ADGRE3: variants seen among roughly 807,000 people sequenced by gnomAD.
ADGRE3 encodes adhesion G protein-coupled receptor E3.
In ADGRE3, 88 loss-of-function variants were observed where a neutral mutation model predicts 80.1. That is an observed-to-expected ratio of 1.10 (90% confidence interval 0.93 to 1.31). The LOEUF (loss-of-function observed/expected upper bound fraction) is 1.31, where lower values mean the gene tolerates loss of function less well. Among genes scored for constraint, ADGRE3 ranks in the 40% most tolerant of loss-of-function variants. ADGRE3 has a pLI of 0.00. For missense variants in ADGRE3, 715 were observed against 776.5 expected, an observed-to-expected ratio of 0.92 and a Z score of 0.94; for synonymous variants, 281 against 294.8, an observed-to-expected ratio of 0.95 and a Z score of 0.48.
At chr19:14,669,783 C>G (rs1012178992) in intron 1 of ADGRE3, among the ~76,000 whole-genome samples, 3 of 152,128 alleles carry the variant, frequency 2.0e-5, no homozygotes. Flanking sequence ...AGCCACTCTG[C>G]CCAGCCCAAT....
chr19:14,658,619 G>A lies in ADGRE3; in HGVS notation c.356-69C>T, dbSNP rs1016312702. 118 of 1,253,402 alleles carry A rather than the reference G, an allele frequency of 9.4e-5. No homozygotes were observed. In the Admixed American group the frequency reaches 2.4e-3, roughly 25 times the overall value. 77.6% of individuals were successfully genotyped at this position (1,253,402 alleles called of 1,614,324 possible). On this transcript the variant is annotated intron_variant, in intron 4 of 15. Transcript: ENST00000253673. Reference sequence around the variant, plus strand: ...GACCAGGCAGAGGGGTGGGCAGGTGGGGTAAGTAATGGGGTGAGCAACTTT... The same window carrying A: ...GACCAGGCAGAGGGGTGGGCAGGTGAGGTAAGTAATGGGGTGAGCAACTTT...
At position 14,665,089 on chromosome 19, in the gene ADGRE3, A is replaced by C. The variant is rs1275763253; in HGVS notation, c.77-1549T>G. On this transcript the variant is annotated intron_variant, in intron 2 of 15. Transcript: ENST00000253673. Reference sequence around the variant, plus strand: ...TTTTTTTTTTTTTTTTTTGAGACAGAGTCTCGCTCTGTTGCCCAGGCCGGA... The same window carrying C: ...TTTTTTTTTTTTTTTTTTGAGACAGCGTCTCGCTCTGTTGCCCAGGCCGGA... 5.0e-5 allele frequency among the ~76,000 whole-genome samples: 6 copies of C among 120,472 alleles called. No homozygotes were observed. The East Asian group carries it at 1.5e-3, about 30-fold the overall frequency. 79.0% of individuals were successfully genotyped at this position (120,472 alleles called of 152,430 possible).
At chr19:14,610,738 C>A in the ADGRE3 span, 2 of 153,394 alleles carry the variant, frequency 1.3e-5, no homozygotes, top group Admixed American at 1.3e-4. Flanking sequence ...CCAGGCCAGT[C>A]TCAAACTCCT....
chr19:14,609,099 G>A, the ADGRE3 span, among the ~76,000 whole-genome samples: 1 of 151,884 alleles, frequency 6.6e-6, no homozygotes, highest in Non-Finnish European at 1.5e-5. Context: ...CGCACCTGGC[G>A]GAACATTGGC....
intron 5 of ADGRE3, among the ~76,000 whole-genome samples, chr19:14,657,745 A>ATTTTT (rs1555762014): frequency 4.8e-5 from 6 of 126,120 alleles, no homozygotes; most frequent in African/African-American, 1.7e-4. Flanking sequence ...ATATATATAT[A>ATTTTT]TTTTTTTGTT....
At chr19:14,620,525 AATATATATATTTT>A (rs1247578473) in intron 15 of ADGRE3, among the ~76,000 whole-genome samples, 9,286 of 29,436 alleles carry the variant, frequency 0.32, 1,663 homozygotes, top group Non-Finnish European at 0.33. Flanking sequence ...ACTATATATG[AATATATATATTTT>A]ATATATATAT....
the ADGRE3 span, among the ~76,000 whole-genome samples, chr19:14,613,218 G>T: frequency 1.3e-5 from 2 of 150,320 alleles, no homozygotes; most frequent in Non-Finnish European, 1.5e-5. Flanking sequence ...GAGCCACCAT[G>T]CCTGGCCTTA....
chr19:14,640,493 G>A (rs957736680), intron 10 of ADGRE3, among the ~76,000 whole-genome samples: 6 of 151,928 alleles, frequency 3.9e-5, no homozygotes, highest in African/African-American at 7.3e-5. Flanking sequence ...GTTTTGCCAT[G>A]TTGACCAGGC....
intron 6 of ADGRE3, 90 bp from the exon 7 acceptor site, chr19:14,651,294 A>G: frequency 7.2e-7 from 1 of 1,386,690 alleles, no homozygotes; most frequent in South Asian, 1.2e-5. Flanking sequence ...GCATGCCTGT[A>G]GTCCCAACTA....
intron 11 of ADGRE3, among the ~76,000 whole-genome samples, chr19:14,636,712 G>T (rs897552115): frequency 6.6e-6 from 1 of 152,070 alleles, no homozygotes; most frequent in Non-Finnish European, 1.5e-5. Context: ...CCTACTAGCT[G>T]TTTGGTGCCT....
rs1334504101 is a variant in ADGRE3, at chr19:14,654,965, C to T, written c.577+17G>A. 6.2e-7 allele frequency: 1 copy of T among 1,609,764 alleles called. No homozygotes were observed. Among genetic ancestry groups the T allele is most frequent in the East Asian group, 2.2e-5 (1 of 44,850 alleles). On this transcript the variant is annotated intron_variant, in intron 6 of 15. Coordinates refer to ENST00000253673, the MANE Select transcript of ADGRE3 (RefSeq NM_032571.5). ...TAACCAGTCCCCAGGGTGTATCAGT[C>T]CTCATTATTGTCTTACCTACACTAT...
intron 15 of ADGRE3, among the ~76,000 whole-genome samples, chr19:14,623,988 A>C (rs1568473420): frequency 6.6e-6 from 1 of 152,132 alleles, no homozygotes; most frequent in Non-Finnish European, 1.5e-5. Flanking sequence ...CTAGCTCCTC[A>C]AAGCTACCCT....
chr19:14,617,354 C>CTTTCTTTCTTTCTTTCTT (rs1192159909), downstream of ADGRE3, among the ~76,000 whole-genome samples: 10 of 82,182 alleles, frequency 1.2e-4, no homozygotes, highest in South Asian at 1.1e-3. Flanking sequence ...TTCTTTCTTT[C>CTTTCTTTCTTTCTTTCTT]TTTCTTTCTT....
downstream of ADGRE3, among the ~76,000 whole-genome samples, chr19:14,618,029 T>C (rs75256724): frequency 3.3e-5 from 5 of 152,058 alleles, no homozygotes; most frequent in African/African-American, 4.8e-5. Context: ...ATTTTTTTAT[T>C]TTTTGCAAAA....
the ADGRE3 span, chr19:14,610,446 T>TC: frequency 3.4e-5 from 18 of 523,376 alleles, no homozygotes; most frequent in South Asian, 3.7e-4. Context: ...GGTCTCCCAC[T>TC]TCTGGGGTTG....
At chr19:14,657,693 C>T (rs1369387594) in intron 5 of ADGRE3, among the ~76,000 whole-genome samples, 1 of 151,548 alleles carries the variant, frequency 6.6e-6, no homozygotes, top group South Asian at 2.1e-4. Context: ...AAAGTCAGTC[C>T]TTCCTCTTTG....
At chr19:14,620,621 C>G in intron 15 of ADGRE3, among the ~76,000 whole-genome samples, 1 of 108,736 alleles carries the variant, frequency 9.2e-6, no homozygotes, top group East Asian at 3.2e-4. Flanking sequence ...GCTCTGTCAC[C>G]CAGGCTGGAG....
At chr19:14,665,910 T>C in intron 2 of ADGRE3, among the ~76,000 whole-genome samples, 1 of 99,864 alleles carries the variant, frequency 1.0e-5, no homozygotes, top group East Asian at 3.1e-4. Context: ...TTTATACACA[T>C]ATATATTGCA....
At chr19:14,618,202 T>A (rs2075094035), downstream of ADGRE3, among the ~76,000 whole-genome samples, 1 of 152,198 alleles carries the variant, frequency 6.6e-6, no homozygotes, top group African/African-American at 2.4e-5. Flanking sequence ...TAAGTCAAGC[T>A]AATTAATATA....
Sources: gnomAD v4.1 joint callset for allele counts (sites outside exome capture counted in the v4.1 genomes callset) on GRCh38, gnomAD v4.1.1 for gene constraint, MANE v1.5 for transcripts, NCBI Gene and HGNC (gene_info 2026-07-23, HGNC 2026-07-21) for gene names.